MRPS18B: variants seen among roughly 807,000 people sequenced by gnomAD.
MRPS18B encodes mitochondrial ribosomal protein S18B, also known as small ribosomal subunit protein mS40.
MRPS18B carries 27 observed loss-of-function variants against 28.4 expected under a neutral mutation model. That is an observed-to-expected ratio of 0.95 (90% CI 0.70 to 1.31). The LOEUF is 1.31. Ranked by LOEUF, MRPS18B falls within the 40% of genes most tolerant of loss-of-function variation. MRPS18B has a pLI of 0.00. For missense variants in MRPS18B, 343 were observed against 335.9 expected (o/e 1.02, Z -0.17); for synonymous variants, 118 against 123.7 (o/e 0.95, Z 0.30).
chr6:30,622,898 G>A lies in MRPS18B; in HGVS notation c.421G>A (p.Gly141Arg), dbSNP rs768150736. 1 of 1,612,918 alleles carries A rather than the reference G, an allele frequency of 6.2e-7. No homozygotes were observed. Among genetic ancestry groups the A allele is most frequent in the Non-Finnish European group, 8.5e-7 (1 of 1,179,914 alleles). Reference protein sequence around the residue: ...TGIIFYAPYTGVCVKQHKRLT... With the variant: ...TGIIFYAPYTRVCVKQHKRLT... ...TATCATCTTCTATGCTCCATACACA[G>A]GTTAGCCCATCATCCCTGCACCACC... is the stretch of plus-strand genomic sequence containing the variant. The change falls in exon 5 of 7, where the codon GGA becomes AGA. Residue 141 changes from glycine to arginine, a missense_variant and splice_region_variant. Transcript: ENST00000259873.
chr6:30,622,789 C>T (rs371102243), intron 4 of MRPS18B, 43 bp from the exon 5 acceptor site: 185 of 1,588,026 alleles, frequency 1.2e-4, no homozygotes, highest in Non-Finnish European at 1.5e-4. Context: ...TGCTGCTCTC[C>T]CTGCCTCTTT....
intron 1 of MRPS18B, among the ~76,000 whole-genome samples, chr6:30,618,846 CT>C (rs1343411868): frequency 6.6e-6 from 1 of 152,184 alleles, no homozygotes; most frequent in Non-Finnish European, 1.5e-5. Flanking sequence ...CCTAGATATC[CT>C]TCCTCTTACT....
rs1429646308 is a variant in MRPS18B at position 30,625,491 on chromosome 6, T to C, written c.482-11T>C. ...TGCCTCTTAAATTTCTTTTCTTTTT[T>C]AATCCCTTAGGTCTCCTCATTTACC... On this transcript the variant is annotated splice_polypyrimidine_tract_variant and intron_variant, in intron 6 of 6. Transcript: ENST00000259873. 6.6e-7 allele frequency: 1 copy of C among 1,517,964 alleles called. No homozygotes were observed. The highest frequency in any genetic ancestry group is 8.8e-7 in the Non-Finnish European group (1 of 1,131,324). 94.0% of individuals were successfully genotyped at this position (1,517,964 alleles called of 1,614,324 possible). A position where few individuals can be genotyped will look rare whatever the true frequency, so the allele number is the denominator to read the frequency against.
chr6:30,619,361 A>G (rs542598091), intron 1 of MRPS18B, 132 bp from the exon 2 acceptor site: 160 of 668,018 alleles, frequency 2.4e-4, no homozygotes, highest in Middle Eastern at 1.9e-3. Context: ...AAAATACTTA[A>G]CTTACATATG....
chr6:30,622,941 G>T, intron 5 of MRPS18B, 43 bp downstream of exon 5: 1 of 1,588,952 alleles, frequency 6.3e-7, no homozygotes, highest in Non-Finnish European at 8.6e-7. Context: ...TTTTCCTTGT[G>T]GCATGCCTTG....
chr6:30,618,958 G>T (rs1209229697), intron 1 of MRPS18B, among the ~76,000 whole-genome samples: 1 of 151,694 alleles, frequency 6.6e-6, no homozygotes, highest in Non-Finnish European at 1.5e-5. Flanking sequence ...TCACTCTGTT[G>T]CCAGGTTGGA....
chr6:30,618,070 T>G, intron 1 of MRPS18B, 127 bp downstream of exon 1: 2 of 887,326 alleles, frequency 2.3e-6, no homozygotes, highest in Non-Finnish European at 3.5e-6. Flanking sequence ...AGGCAGTACT[T>G]CCTGCAACCC....
chr6:30,619,901 T>C lies in MRPS18B; in HGVS notation c.286-20T>C, dbSNP rs1267223745. 1 of 1,613,702 alleles carries C rather than the reference T, an allele frequency of 6.2e-7. No homozygotes were observed. The highest frequency in any genetic ancestry group is 8.5e-7 in the Non-Finnish European group (1 of 1,179,580). On this transcript the variant is annotated intron_variant, in intron 3 of 6. Transcript: ENST00000259873. ...GACGTGTTTGAACATCCTTAACTGCTGTTTTTTTTCTCTCTACAGCGTCGG... is the reference window on the plus strand; with the variant it reads ...GACGTGTTTGAACATCCTTAACTGCCGTTTTTTTTCTCTCTACAGCGTCGG...
At position 30,625,846 on chromosome 6, in the gene MRPS18B, A is replaced by G; in HGVS notation, c.*49A>G. Reference sequence around the variant, plus strand: ...CCAGGCGTGGTGGCTCACTCCTGTAATCCCAGCACTTTGGGAAGCCAAGGT... The same window carrying G: ...CCAGGCGTGGTGGCTCACTCCTGTAGTCCCAGCACTTTGGGAAGCCAAGGT... On this transcript the variant is annotated 3_prime_UTR_variant, in exon 7 of 7. Coordinates refer to ENST00000259873, the MANE Select transcript of MRPS18B (RefSeq NM_014046.4). The G allele has an allele frequency of 6.5e-7, 1 of 1,543,560 alleles. No homozygotes were observed. Among genetic ancestry groups the G allele is most frequent in the South Asian group, 1.2e-5 (1 of 84,028 alleles).
chr6:30,618,800 G>A (rs535808670), intron 1 of MRPS18B, among the ~76,000 whole-genome samples: 1 of 152,218 alleles, frequency 6.6e-6, no homozygotes, highest in African/African-American at 2.4e-5. Flanking sequence ...CCTGTCTTCT[G>A]CATCCCCTCC....
At chr6:30,619,892 C>G in intron 3 of MRPS18B, 29 bp from the exon 4 acceptor site, 1 of 1,613,332 alleles carries the variant, frequency 6.2e-7, no homozygotes. Context: ...TTTGAACATC[C>G]TTAACTGCTG....
intron 4 of MRPS18B, among the ~76,000 whole-genome samples, chr6:30,621,622 C>T (rs1033548986): frequency 6.6e-6 from 1 of 152,028 alleles, no homozygotes; most frequent in Non-Finnish European, 1.5e-5. Context: ...GATAATTTCC[C>T]AGTTTCAATT....
intron 1 of MRPS18B, among the ~76,000 whole-genome samples, chr6:30,619,238 C>T (rs775815889): frequency 1.2e-4 from 18 of 152,100 alleles, no homozygotes; most frequent in Non-Finnish European, 2.4e-4. Flanking sequence ...TTTTATTTGT[C>T]TTCTGAAATA....
At position 30,625,516 on chromosome 6, in the gene MRPS18B, C is replaced by G. The variant is rs1309936530; in HGVS notation, c.496C>G (p.His166Asp). The G allele has an allele frequency of 6.4e-7, 1 of 1,562,876 alleles. No individual in the cohort carries two copies. Among genetic ancestry groups the G allele is most frequent in the African/African-American group, 1.4e-5 (1 of 73,300 alleles). The change falls in exon 7 of 7, where the codon CAC becomes GAC. Residue 166 changes from histidine to aspartate, a missense_variant. Transcript: ENST00000259873. ...TAATCCCTTAGGTCTCCTCATTTAC[C>G]ACATCCCCCAGGTTGAACCACGGGA... ...KARDHGLLIY[H>D]IPQVEPRDLD... is the part of the protein sequence containing the mutation.
intron 6 of MRPS18B, 49 bp from the exon 7 acceptor site, chr6:30,625,453 C>T: frequency 2.1e-6 from 3 of 1,459,606 alleles, no homozygotes; most frequent in Non-Finnish European, 1.8e-6. Context: ...TTCATCTAAA[C>T]CACCCTCCTC....
intron 4 of MRPS18B, among the ~76,000 whole-genome samples, chr6:30,621,443 A>G (rs906599742): frequency 3.3e-5 from 5 of 152,184 alleles, no homozygotes; most frequent in African/African-American, 1.2e-4. Flanking sequence ...TATATCAATA[A>G]AACAGATAAT....
At chr6:30,619,679 A>G (rs1403781180) in intron 2 of MRPS18B, 30 bp from the exon 3 acceptor site, 60 of 1,611,936 alleles carry the variant, frequency 3.7e-5, no homozygotes, top group Non-Finnish European at 5.0e-5. Flanking sequence ...ACTCCCACCC[A>G]GGAATAACTT....
intron 5 of MRPS18B, 114 bp from the exon 6 acceptor site, chr6:30,624,769 G>T: frequency 8.8e-7 from 1 of 1,141,294 alleles, no homozygotes; most frequent in East Asian, 2.5e-5. Context: ...TCAGGGGAAA[G>T]GGGTCATTAG....
rs770358497 is a variant in MRPS18B, at chr6:30,619,567, T to C, written c.153T>C (p.Tyr51=). ...TGTCCTCAGTTCCCATTTCTCCTTATAAGGATGAGCCCTGGAAATATCTGG... is the reference window on the plus strand; with the variant it reads ...TGTCCTCAGTTCCCATTTCTCCTTACAAGGATGAGCCCTGGAAATATCTGG... ...DSLSSVPISP[Y]KDEPWKYLES... Residue 51 remains tyrosine (Y), a synonymous_variant, in exon 2 of 7, where the codon TAT becomes TAC. Transcript: ENST00000259873. 2 of 1,612,826 alleles carry C rather than the reference T, an allele frequency of 1.2e-6. No individual in the cohort carries two copies. Among genetic ancestry groups the C allele is most frequent in the South Asian group, 1.1e-5 (1 of 91,090 alleles).
Sources: gnomAD v4.1 joint callset for allele counts (sites outside exome capture counted in the v4.1 genomes callset) on GRCh38, gnomAD v4.1.1 for gene constraint, MANE v1.5 for transcripts, NCBI Gene and HGNC (gene_info 2026-07-23, HGNC 2026-07-21) for gene names.